The following MAK variants were observed in gnomAD, a reference collection of about 807,000 sequenced individuals.
MAK encodes the protein serine/threonine-protein kinase MAK.
A neutral mutation model predicts 82.6 loss-of-function variants in MAK; 65 were observed. That is an observed-to-expected ratio of 0.79 (90% CI 0.64 to 0.97). MAK has a LOEUF of 0.97. MAK is among the 50% of genes least tolerant of loss of function. MAK has a pLI of 0.00. For missense variants in MAK, 703 were observed against 780.2 expected (o/e 0.90, Z 1.18); for synonymous variants, 250 against 274.2 (o/e 0.91, Z 0.87).
rs373520122 is a variant in MAK, at chr6:10,803,868, A to T, written c.515T>A (p.Leu172Gln). ...GGGAGAACTATAAACTGAAGATCTC[A>T]GTAAAACTTCAGGGGCACGATACCT... ...TRWYRAPEVL[L>Q]RSSVYSSPID... is the part of the protein sequence containing the mutation. The change falls in exon 7 of 15, where the codon CTG (leucine) becomes CAG (glutamine). Residue 172 changes from leucine to glutamine, a missense_variant. Transcript: ENST00000354489. 35 of 1,613,944 alleles carry T rather than the reference A, an allele frequency of 2.2e-5. No homozygotes were observed. The highest frequency in any genetic ancestry group is 2.9e-5 in the Non-Finnish European group (34 of 1,179,928).
intron 6 of MAK, among the ~76,000 whole-genome samples, chr6:10,806,389 C>T (rs926061388): frequency 6.6e-6 from 1 of 151,722 alleles, no homozygotes; most frequent in Admixed American, 6.6e-5. Context: ...AGTGCAGTGG[C>T]GCGATCTTCG....
intron 6 of MAK, among the ~76,000 whole-genome samples, chr6:10,807,144 C>T (rs1776533096): frequency 1.3e-5 from 2 of 151,778 alleles, no homozygotes; most frequent in South Asian, 2.1e-4. Flanking sequence ...TCACGTGTGG[C>T]GTGCACCTGT....
At chr6:10,777,595 G>T in intron 11 of MAK, among the ~76,000 whole-genome samples, 1 of 151,694 alleles carries the variant, frequency 6.6e-6, no homozygotes, top group Non-Finnish European at 1.5e-5. Flanking sequence ...AAAGTAAAAG[G>T]TAAGTAAATT....
intron 1 of MAK, among the ~76,000 whole-genome samples, chr6:10,834,420 C>T (rs1350368398): frequency 6.6e-6 from 1 of 152,146 alleles, no homozygotes; most frequent in Admixed American, 6.6e-5. Context: ...TTTTCAGGGT[C>T]GTCTCCAACT....
chr6:10,802,416 C>T (rs1350459225), intron 7 of MAK: 1 of 222,014 alleles, frequency 4.5e-6, no homozygotes, highest in East Asian at 1.3e-4. Context: ...AAAGATCCTC[C>T]TACCTCAGAC....
chr6:10,791,679 A>G lies in MAK; in HGVS notation c.1312T>C (p.Phe438Leu), dbSNP rs1775098312. 6.2e-7 allele frequency: 1 copy of G among 1,612,356 alleles called. No individual in the cohort carries two copies. The highest frequency in any genetic ancestry group is 1.1e-5 in the South Asian group (1 of 91,008). ...CTGAGGAATTTGAAATCTTACCGAA[A>G]TGGAGAATCTTTTTTCCTTTTTTCT... ...FKEKRKKDSP[F>L]RLPEPVPSGS... The change falls in exon 10 of 15, where the codon TTT becomes CTT. Residue 438 changes from phenylalanine (F) to leucine (L), a missense_variant. Physicochemically the swap from Phe to Leu is conservative, Grantham distance 22. Coordinates refer to ENST00000354489, the MANE Select transcript of MAK (RefSeq NM_001242957.3).
At chr6:10,780,354 A>T in intron 11 of MAK, 2 of 455,186 alleles carry the variant, frequency 4.4e-6, no homozygotes, top group Non-Finnish European at 5.8e-6. Flanking sequence ...TCAAAGGATA[A>T]ATATCCTTTG....
chr6:10,813,126 ATATATATAAATTTTT>A (rs1777153365), intron 5 of MAK, among the ~76,000 whole-genome samples: 7 of 680 alleles, frequency 0.01, no homozygotes, highest in Non-Finnish European at 0.015. Flanking sequence ...ATATATATAT[ATATATATAAATTTTT>A]TTTTTTTTTT....
At position 10,800,763 on chromosome 6, in the gene MAK, C is replaced by T. The variant is rs1276553354; in HGVS notation, c.831+1129G>A. 6.6e-6 allele frequency among the ~76,000 whole-genome samples: 1 copy of T among 152,106 alleles called. No individual in the cohort carries two copies. The highest frequency in any genetic ancestry group is 2.4e-5 in the African/African-American group (1 of 41,410). ...CTGAGGGTGGGAGAATCACTTGAAC[C>T]CAGGAGGCAGAGGTTGCGGTGAGCC... On this transcript the variant is annotated intron_variant, in intron 8 of 14. Coordinates refer to ENST00000354489, the MANE Select transcript of MAK (RefSeq NM_001242957.3). This position sits in a 1 kb window ranked among gnomAD's most constrained non-coding sequence, Gnocchi z 4.2.
At chr6:10,812,464 A>G (rs1777019797) in intron 5 of MAK, among the ~76,000 whole-genome samples, 2 of 152,236 alleles carry the variant, frequency 1.3e-5, no homozygotes, top group African/African-American at 4.8e-5. Flanking sequence ...TAGATCAAGT[A>G]TTAATACTTG....
intron 9 of MAK, among the ~76,000 whole-genome samples, chr6:10,794,678 T>C (rs2127545967): frequency 6.6e-6 from 1 of 152,274 alleles, no homozygotes; most frequent in South Asian, 2.1e-4. Flanking sequence ...GAAAAAGTTT[T>C]ATACTATGCC....
intron 1 of MAK, among the ~76,000 whole-genome samples, chr6:10,837,667 A>G (rs556098905): frequency 3.3e-4 from 50 of 152,372 alleles, no homozygotes; most frequent in Middle Eastern, 3.4e-3. Context: ...TTAAACGATT[A>G]TCTAACCACA....
intron 10 of MAK, 89 bp downstream of exon 10, chr6:10,791,586 C>T: frequency 7.8e-7 from 1 of 1,275,570 alleles, no homozygotes; most frequent in Non-Finnish European, 1.1e-6. Context: ...AACTTTTCTT[C>T]TTTTAGGGTC....
At position 10,811,045 on chromosome 6, in the gene MAK, C is replaced by CTCTCCACCCAG. The variant is rs1356832683; in HGVS notation, c.359-2104_359-2103insCTGGGTGGAGA. ...ACAGAGTCTTGCTCTGTCACCCAGG[C>CTCTCCACCCAG]TGGAGTGCAGTGGCATGATCTCAGC... is the stretch of plus-strand genomic sequence containing the variant. On this transcript the variant is annotated intron_variant, in intron 5 of 14. Coordinates refer to ENST00000354489, the MANE Select transcript of MAK (RefSeq NM_001242957.3). 4.6e-5 allele frequency among the ~76,000 whole-genome samples: 7 copies of CTCTCCACCCAG among 152,194 alleles called. No homozygotes were observed. In the South Asian group the frequency reaches 1.4e-3, roughly 32 times the overall value.
chr6:10,813,508 T>C (rs1467980912), intron 5 of MAK, 136 bp downstream of exon 5: 1 of 626,396 alleles, frequency 1.6e-6, no homozygotes, highest in Non-Finnish European at 2.9e-6. Context: ...TAAATAAAAA[T>C]GTCAGTGTGT....
intron 2 of MAK, 150 bp downstream of exon 2, chr6:10,830,398 T>A (rs1581777365): frequency 1.5e-6 from 1 of 665,206 alleles, no homozygotes; most frequent in Non-Finnish European, 2.8e-6. Flanking sequence ...ACTCCTAACC[T>A]CATGATCCGC....
At chr6:10,806,967 A>G (rs1307471947) in intron 6 of MAK, among the ~76,000 whole-genome samples, 1 of 152,090 alleles carries the variant, frequency 6.6e-6, no homozygotes, top group Non-Finnish European at 1.5e-5. Flanking sequence ...ACACACTAAG[A>G]CACGGACTCC....
At chr6:10,814,063 G>A (rs1777272489) in intron 4 of MAK, among the ~76,000 whole-genome samples, 1 of 151,868 alleles carries the variant, frequency 6.6e-6, no homozygotes, top group Non-Finnish European at 1.5e-5. Context: ...TCCACCTCCC[G>A]GGTTCAAGTG....
intron 5 of MAK, among the ~76,000 whole-genome samples, chr6:10,812,200 A>AAAT (rs908555152): frequency 1.3e-5 from 2 of 151,984 alleles, no homozygotes; most frequent in Admixed American, 1.3e-4. Context: ...ATCCTGTCTC[A>AAAT]AATAATAATA....
Sources: allele counts gnomAD v4.1 joint callset (sites outside exome capture counted in the v4.1 genomes callset), GRCh38; gene constraint gnomAD v4.1.1; non-coding constraint Gnocchi (gnomAD v3.1); transcripts MANE v1.5; gene names NCBI Gene and HGNC (gene_info 2026-07-23, HGNC 2026-07-21).